Variants in MTOR observed in about 807,000 individuals in gnomAD.
MTOR encodes serine/threonine-protein kinase mTOR.
MTOR carries 70 observed loss-of-function variants against 319.8 expected under a neutral mutation model. The observed-to-expected ratio is 0.22, with a 90% CI of 0.18 to 0.27. The LOEUF (loss-of-function observed/expected upper bound fraction) is 0.27. Among genes scored for constraint, MTOR ranks in the 10% least tolerant of loss-of-function variants. The pLI, the probability that MTOR is intolerant of heterozygous loss-of-function variation, is 1.00. For missense variants in MTOR, 1,890 were observed against 3,274.4 expected (o/e 0.58, Z 10.32); for synonymous variants, 1,183 against 1,211.4 (o/e 0.98, Z 0.49).
At chr1:11,146,935 A>T (rs1288883461) in intron 31 of MTOR, 144 bp from the exon 32 acceptor site, 1 of 625,842 alleles carries the variant, frequency 1.6e-6, no homozygotes, top group African/African-American at 1.8e-5. Flanking sequence ...CATGTACCAA[A>T]ATCCTGCAGA....
chr1:11,248,126 T>C (rs1557483467), intron 6 of MTOR, 32 bp from the exon 7 acceptor site: 1 of 1,545,236 alleles, frequency 6.5e-7, no homozygotes, highest in Non-Finnish European at 8.7e-7. Flanking sequence ...AAATCATCTT[T>C]ACTTATGACT....
intron 5 of MTOR, 49 bp downstream of exon 5, chr1:11,255,943 T>G (rs1239933643): frequency 6.4e-7 from 1 of 1,567,056 alleles, no homozygotes; most frequent in South Asian, 1.1e-5. Context: ...CAGGTGATTC[T>G]CTACGCAGAT....
Position 11,201,867 on chromosome 1 carries a change from C to T in MTOR, c.3945-2164G>A, listed in dbSNP as rs549672923. Among the ~76,000 whole-genome samples the T allele has an allele frequency of 5.3e-5, 8 of 152,250 alleles. No homozygotes were observed. In the South Asian group the frequency reaches 1.7e-3, roughly 32 times the overall value. ...TGCCATCTAGGCTGGAATGCAGGGG[C>T]ACGATTGTGGCTCTCTGCAGCCTCT... On this transcript the variant is annotated intron_variant, in intron 26 of 57. Transcript: ENST00000361445.
At position 11,127,747 on chromosome 1, in the gene MTOR, C is replaced by T. The variant is rs1220059678; in HGVS notation, c.6093G>A (p.Leu2031=). ...ILWHEMWHEG[L]EEASRLYFGE... ...CAAAGTACAAACGAGATGCCTCTTC[C>T]AGGCCTTCATGCCACATCTCATGCC... The change falls in exon 44 of 58, where the codon CTG becomes CTA. Residue 2031 remains leucine, a synonymous_variant. Transcript: ENST00000361445. This position sits in a 1 kb window ranked among gnomAD's most constrained non-coding sequence, Gnocchi z 5.5. The T allele has an allele frequency of 1.2e-6, 2 of 1,614,116 alleles. No individual in the cohort carries two copies. The highest frequency in any genetic ancestry group is 1.7e-6 in the Non-Finnish European group (2 of 1,180,034).
At position 11,133,004 on chromosome 1, in the gene MTOR, G is replaced by A; in HGVS notation, c.5364+76C>T. On this transcript the variant is annotated intron_variant, in intron 38 of 57. Transcript: ENST00000361445. The surrounding 1 kb of genome is among the most constrained non-coding windows in gnomAD (Gnocchi z 4.0). Reference sequence around the variant, plus strand: ...ATCAGCCTAGCTCCGCAGAAGCTCAGCTGTAACCACGAGCACACAGGAGGA... The same window carrying A: ...ATCAGCCTAGCTCCGCAGAAGCTCAACTGTAACCACGAGCACACAGGAGGA... 3 of 1,273,680 alleles carry A rather than the reference G, an allele frequency of 2.4e-6. No individual in the cohort carries two copies. The highest frequency in any genetic ancestry group is 3.4e-6 in the Non-Finnish European group (3 of 876,602). The allele number at this position is 1,273,680 out of a possible 1,614,324, so 78.9% of individuals were successfully genotyped here. A position where few individuals can be genotyped will look rare whatever the true frequency, so the allele number is the denominator to read the frequency against.
intron 26 of MTOR, among the ~76,000 whole-genome samples, chr1:11,202,420 CAAAAAAAA>C (rs35136193): frequency 1.4e-5 from 1 of 72,160 alleles, no homozygotes; most frequent in African/African-American, 6.3e-5. Flanking sequence ...AACTCCGTCT[CAAAAAAAA>C]AAAAAAAAAA....
At chr1:11,259,514 CT>C (rs1234355206) in intron 1 of MTOR, 91 bp from the exon 2 acceptor site, 16 of 1,385,348 alleles carry the variant, frequency 1.2e-5, no homozygotes, top group African/African-American at 1.5e-5. Context: ...AGATCTCCCC[CT>C]AGCCCTTGTC....
intron 11 of MTOR, 105 bp downstream of exon 11, chr1:11,240,198 T>A: frequency 6.9e-7 from 1 of 1,442,770 alleles, no homozygotes; most frequent in Non-Finnish European, 9.2e-7. Context: ...AGCTACCCTG[T>A]CTTTAGCACC....
Position 11,212,764 on chromosome 1 carries a change from A to G in MTOR, c.3398+32T>C. On this transcript the variant is annotated intron_variant, in intron 22 of 57. Transcript: ENST00000361445. This position sits in a 1 kb window ranked among gnomAD's most constrained non-coding sequence, Gnocchi z 4.1. Reference sequence around the variant, plus strand: ...ATTTTCAACAAAACATTAAAGCTTAAAGATTGCTAGTCCCAAAGAGGAGGT... The same window carrying G: ...ATTTTCAACAAAACATTAAAGCTTAGAGATTGCTAGTCCCAAAGAGGAGGT... 1 of 1,530,132 alleles carries G rather than the reference A, an allele frequency of 6.5e-7. No individual in the cohort carries two copies. Among genetic ancestry groups the G allele is most frequent in the Non-Finnish European group, 9.1e-7 (1 of 1,104,450 alleles). 94.8% of individuals were successfully genotyped at this position (1,530,132 alleles called of 1,614,324 possible).
At chr1:11,211,958 G>C (rs1321389194) in intron 23 of MTOR, among the ~76,000 whole-genome samples, 1 of 152,004 alleles carries the variant, frequency 6.6e-6, no homozygotes, top group Non-Finnish European at 1.5e-5. Context: ...CTAGGTCTCT[G>C]CTTGAGTGTC....
intron 34 of MTOR, among the ~76,000 whole-genome samples, chr1:11,142,389 A>G (rs1643755261): frequency 6.6e-6 from 1 of 152,180 alleles, no homozygotes; most frequent in South Asian, 2.1e-4. Context: ...CCCAGGTCCA[A>G]GCGATTCTCC....
intron 8 of MTOR, among the ~76,000 whole-genome samples, chr1:11,246,746 G>C (rs1648884309): frequency 6.6e-6 from 1 of 152,210 alleles, no homozygotes; most frequent in Non-Finnish European, 1.5e-5. Context: ...GGTAAAGTGG[G>C]AAGAGATGTT....
chr1:11,156,198 C>A (rs1644314205), intron 30 of MTOR, among the ~76,000 whole-genome samples: 1 of 152,100 alleles, frequency 6.6e-6, no homozygotes, highest in Non-Finnish European at 1.5e-5. Flanking sequence ...CCATGTTGGC[C>A]AGGCTGGTCT....
In MTOR at chr1:11,228,791, G is replaced by T; in HGVS notation, c.2907C>A (p.Thr969=). Reference sequence around the variant, plus strand: ...TGAAGGTGATGGCCTGGACAACCATGGTGTGATGATGAGAGAGTGACTGGT... The same window carrying T: ...TGAAGGTGATGGCCTGGACAACCATTGTGTGATGATGAGAGAGTGACTGGT... ...FRDQSLSHHH[T]MVVQAITFIF... Residue 969 remains threonine, a synonymous_variant, in exon 19 of 58, where the codon ACC becomes ACA. Transcript: ENST00000361445. The T allele has an allele frequency of 6.2e-7, 1 of 1,614,172 alleles. No individual in the cohort carries two copies. The highest frequency in any genetic ancestry group is 8.5e-7 in the Non-Finnish European group (1 of 1,180,024).
rs908877000 is a variant in MTOR at position 11,129,996 on chromosome 1, CAA to C, written c.5614-160_5614-159del. Among the ~76,000 whole-genome samples, 10 of 152,340 alleles carry C rather than the reference CAA, an allele frequency of 6.6e-5. No homozygotes were observed. Among genetic ancestry groups the C allele is most frequent in the African/African-American group, 2.2e-4 (9 of 41,558 alleles). ...TCTTTAATCATTACCTGGCACATAG[CAA>C]AGACTCAATAAATGGCAACTGTATC... On this transcript the variant is annotated intron_variant, in intron 39 of 57. Transcript: ENST00000361445. The surrounding 1 kb of genome is among the most constrained non-coding windows in gnomAD (Gnocchi z 4.7).
Position 11,129,043 on chromosome 1 carries a change from G to T in MTOR, c.5715-92C>A. ...TCTAAGGCTCCTGAGAAGAGAGCTG[G>T]CAGGGACTCCAACCAGTAACTCTCA... On this transcript the variant is annotated intron_variant, in intron 40 of 57. Coordinates refer to ENST00000361445, the MANE Select transcript of MTOR (RefSeq NM_004958.4). The surrounding 1 kb of genome is among the most constrained non-coding windows in gnomAD (Gnocchi z 4.7). 9.7e-7 allele frequency: 1 copy of T among 1,034,434 alleles called. No individual in the cohort carries two copies. The highest frequency in any genetic ancestry group is 1.5e-6 in the Non-Finnish European group (1 of 685,870). The allele number at this position is 1,034,434 out of a possible 1,614,324, so 64.1% of individuals were successfully genotyped here.
At chr1:11,260,535 T>C (rs1446833499) in intron 1 of MTOR, among the ~76,000 whole-genome samples, 52 of 140,522 alleles carry the variant, frequency 3.7e-4, no homozygotes, top group Admixed American at 4.3e-4. Context: ...AGAGCAAAAC[T>C]CCATCTCAAT....
chr1:11,254,031 C>A, intron 5 of MTOR, 58 bp from the exon 6 acceptor site: 1 of 1,606,516 alleles, frequency 6.2e-7, no homozygotes, highest in Non-Finnish European at 8.5e-7. Context: ...AGAAAGAATA[C>A]AGGCCCATCC....
In MTOR at chr1:11,146,801, C is replaced by T. The variant is rs200992282; in HGVS notation, c.4571-10G>A. ...ATGCTGTCCCACTGACCTATACACA[C>T]ACACATAGACAGAAAGCATCAAGGG... On this transcript the variant is annotated splice_polypyrimidine_tract_variant and intron_variant, in intron 31 of 57. Transcript: ENST00000361445. The T allele has an allele frequency of 3.7e-5, 59 of 1,598,680 alleles. 1 individual carries two copies. Among genetic ancestry groups the T allele is most frequent in the Non-Finnish European group, 5.0e-5 (58 of 1,166,150 alleles).
Sources: gnomAD v4.1 joint callset for allele counts (sites outside exome capture counted in the v4.1 genomes callset) on GRCh38, gnomAD v4.1.1 for gene constraint, Gnocchi (gnomAD v3.1) non-coding constraint, MANE v1.5 for transcripts, NCBI Gene and HGNC (gene_info 2026-07-23, HGNC 2026-07-21) for gene names.